CMPK2: variants seen among roughly 807,000 people sequenced by gnomAD.
The protein encoded by CMPK2 is cytidine/uridine monophosphate kinase 2.
Under a neutral mutation model 33.4 loss-of-function variants are expected in CMPK2, and 32 were observed. That is an observed-to-expected ratio of 0.96 (90% CI 0.72 to 1.29). CMPK2 has a LOEUF of 1.29. CMPK2 is among the 50% of genes most tolerant of loss of function. The pLI, the probability that CMPK2 is intolerant of heterozygous loss-of-function variation, is 0.00. For missense variants in CMPK2, 672 were observed against 616.0 expected (o/e 1.09, Z -0.96); for synonymous variants, 299 against 275.3 (o/e 1.09, Z -0.85).
At chr2:6,866,339 C>T (rs1663089664), upstream of CMPK2, 14 of 699,522 alleles carry the variant, frequency 2.0e-5, no homozygotes, top group Non-Finnish European at 2.5e-5. Flanking sequence ...GGGAACAGGG[C>T]GCAGTTCTGG....
intron 3 of CMPK2, among the ~76,000 whole-genome samples, chr2:6,860,832 C>T (rs541208006): frequency 6.6e-6 from 1 of 152,230 alleles, no homozygotes; most frequent in African/African-American, 2.4e-5. Flanking sequence ...TCATTAATGT[C>T]CCCGGTATGC....
intron 1 of CMPK2, 118 bp downstream of exon 1, chr2:6,864,904 G>A (rs1016249798): frequency 1.2e-5 from 15 of 1,290,952 alleles, no homozygotes; most frequent in Non-Finnish European, 1.4e-5. Context: ...ATTTGTGAAC[G>A]GAAATAAACA....
chr2:6,864,077 A>G (rs1374702110), intron 1 of CMPK2, among the ~76,000 whole-genome samples: 1 of 152,168 alleles, frequency 6.6e-6, no homozygotes, highest in Admixed American at 6.5e-5. Context: ...CAGTTCCTCA[A>G]TGTGCATTAT....
At chr2:6,859,311 T>A (rs1037384036) in intron 3 of CMPK2, among the ~76,000 whole-genome samples, 1 of 152,188 alleles carries the variant, frequency 6.6e-6, no homozygotes, top group African/African-American at 2.4e-5. Flanking sequence ...TGAGGAGAAA[T>A]TCAAGCTGGC....
At position 6,865,874 on chromosome 2, in the gene CMPK2, G is replaced by A. The variant is rs1421460912; in HGVS notation, c.-178C>T. 1.5e-6 allele frequency: 2 copies of A among 1,369,270 alleles called. No homozygotes were observed. The highest frequency in any genetic ancestry group is 9.4e-7 in the Non-Finnish European group (1 of 1,062,944). The allele number at this position is 1,369,270 out of a possible 1,614,324, so 84.8% of individuals were successfully genotyped here. ...GGGGCAGGAGCCCTGGGGCTGGGGC[G>A]CCCTTCCGGCCTCTCCTCCTCGCCG... On this transcript the variant is annotated 5_prime_UTR_variant, in exon 1 of 5. Coordinates refer to ENST00000256722, the MANE Select transcript of CMPK2 (RefSeq NM_207315.4).
chr2:6,842,321 T>C (rs1038622852), intron 3 of CMPK2, among the ~76,000 whole-genome samples: 3 of 152,194 alleles, frequency 2.0e-5, no homozygotes, highest in Non-Finnish European at 4.4e-5. Context: ...CAAAACTTAA[T>C]ATTTGAGGAG....
intron 1 of CMPK2, among the ~76,000 whole-genome samples, chr2:6,864,599 G>A (rs564720028): frequency 2.8e-4 from 42 of 152,254 alleles, no homozygotes; most frequent in African/African-American, 9.6e-4. Context: ...ATGGCCAGTC[G>A]GTAGGTAAAC....
At chr2:6,851,106 A>C (rs1662508460) in intron 4 of CMPK2, 1 of 1,131,480 alleles carries the variant, frequency 8.8e-7, no homozygotes, top group South Asian at 2.2e-5. Flanking sequence ...GGTAGATGTT[A>C]CTATGAGCTC....
chr2:6,851,509 C>T lies in CMPK2; in HGVS notation c.1167G>A (p.Arg389=), dbSNP rs1168226473. The change falls in exon 4 of 5, where the codon CGG becomes CGA. Residue 389 remains arginine (R), a synonymous_variant. Transcript: ENST00000256722. ...CTTCTTCCCTGGTCTTCTCCATGCC[C>T]CGGCCCTGCAGCCTCTGCAACCTCT... The part of the protein sequence containing the change: ...PEERLQRLQG[R]GMEKTREEAE... The T allele has an allele frequency of 6.2e-7, 1 of 1,614,112 alleles. No homozygotes were observed. The highest frequency in any genetic ancestry group is 8.5e-7 in the Non-Finnish European group (1 of 1,180,046).
downstream of CMPK2, among the ~76,000 whole-genome samples, chr2:6,843,869 G>A (rs997109128): frequency 2.6e-5 from 4 of 152,232 alleles, no homozygotes; most frequent in African/African-American, 9.6e-5. Flanking sequence ...CTGGTGTCCA[G>A]AAGGAAGTCT....
At chr2:6,847,555 T>G (rs1558320407), downstream of CMPK2, among the ~76,000 whole-genome samples, 1 of 152,178 alleles carries the variant, frequency 6.6e-6, no homozygotes, top group East Asian at 1.9e-4. Flanking sequence ...GCTTGATTTT[T>G]TCCCCAGGCT....
chr2:6,846,944 T>C (rs1313756412), downstream of CMPK2, among the ~76,000 whole-genome samples: 4 of 152,208 alleles, frequency 2.6e-5, no homozygotes, highest in Non-Finnish European at 5.9e-5. Context: ...TCTGAGATAA[T>C]ATCCAGAGTT....
downstream of CMPK2, among the ~76,000 whole-genome samples, chr2:6,845,325 A>C (rs1662332210): frequency 6.6e-6 from 1 of 152,164 alleles, no homozygotes; most frequent in Non-Finnish European, 1.5e-5. Flanking sequence ...GTGATTCAGA[A>C]TGCACTCGAG....
downstream of CMPK2, among the ~76,000 whole-genome samples, chr2:6,844,396 A>T (rs1183752931): frequency 6.6e-6 from 1 of 152,208 alleles, no homozygotes; most frequent in Non-Finnish European, 1.5e-5. Flanking sequence ...CTTTCCGTCA[A>T]CTGAATCAGG....
chr2:6,840,807 G>A, intron 3 of CMPK2: 1 of 620,158 alleles, frequency 1.6e-6, no homozygotes, highest in Non-Finnish European at 2.9e-6. Context: ...CTGGGCCAGG[G>A]AGGTTACATG....
intron 2 of CMPK2, among the ~76,000 whole-genome samples, chr2:6,862,341 A>G (rs1173610767): frequency 1.3e-5 from 2 of 152,204 alleles, no homozygotes; most frequent in African/African-American, 4.8e-5. Flanking sequence ...GGAGAAGTTA[A>G]TAAATTTACC....
intron 3 of CMPK2, among the ~76,000 whole-genome samples, chr2:6,859,947 C>T (rs1348521775): frequency 6.6e-6 from 1 of 152,196 alleles, no homozygotes; most frequent in African/African-American, 2.4e-5. Flanking sequence ...GGGGCTATAC[C>T]CTGCAAAGCC....
chr2:6,852,952 C>T (rs745695232), intron 3 of CMPK2, among the ~76,000 whole-genome samples: 10 of 151,240 alleles, frequency 6.6e-5, no homozygotes, highest in Non-Finnish European at 1.5e-4. Flanking sequence ...CACCTTCAAT[C>T]CTTTATTTTT....
Position 6,851,465 on chromosome 2 carries a change from C to T in CMPK2, c.1211G>A (p.Ser404Asn), listed in dbSNP as rs1310329542. Residue 404 changes from serine (S) to asparagine (N), a missense_variant, in exon 4 of 5, where the codon AGT (serine) becomes AAT (asparagine). Coordinates refer to ENST00000256722, the MANE Select transcript of CMPK2 (RefSeq NM_207315.4). Reference sequence around the variant, plus strand: ...GGACACCTACTTTTGACGAAACACACTGTTGGCCTCAAGTTCTGCTTCTTC... The same window carrying T: ...GGACACCTACTTTTGACGAAACACATTGTTGGCCTCAAGTTCTGCTTCTTC... ...TREEAELEANSVFRQKVEMSY... is the reference protein window; with the variant it reads ...TREEAELEANNVFRQKVEMSY... 1.2e-6 allele frequency: 2 copies of T among 1,614,262 alleles called. No homozygotes were observed. The highest frequency in any genetic ancestry group is 8.5e-7 in the Non-Finnish European group (1 of 1,180,046).
Sources: gnomAD v4.1 joint callset for allele counts (sites outside exome capture counted in the v4.1 genomes callset) on GRCh38, gnomAD v4.1.1 for gene constraint, MANE v1.5 for transcripts, NCBI Gene and HGNC (gene_info 2026-07-23, HGNC 2026-07-21) for gene names.